The following NXN variants were observed in gnomAD, a reference collection of about 807,000 sequenced individuals.
NXN encodes nucleoredoxin, also known as nucleoredoxin 1.
Under a neutral mutation model 48.6 loss-of-function variants are expected in NXN, and 16 were observed. That is an observed-to-expected ratio of 0.33 (90% CI 0.22 to 0.50). The LOEUF (loss-of-function observed/expected upper bound fraction) is 0.50, where lower values mean the gene tolerates loss of function less well. Among genes scored for constraint, NXN ranks in the 20% least tolerant of loss-of-function variants. NXN has a pLI of 0.98. For missense variants in NXN, 492 were observed against 605.5 expected (o/e 0.81, Z 1.97); for synonymous variants, 281 against 269.6 (o/e 1.04, Z -0.41).
At chr17:835,307 CAAAA>C (rs368573865) in intron 1 of NXN, among the ~76,000 whole-genome samples, 2 of 91,284 alleles carry the variant, frequency 2.2e-5, no homozygotes. Context: ...GACTCTGTTT[CAAAA>C]AAAAAAAAAA....
Position 849,655 on chromosome 17 carries a change from C to T in NXN, c.361-23577G>A, listed in dbSNP as rs112248291. ...CACGTCCTTGTCCTCTGGCGGCCAG[C>T]TGCCTCATCCCTTTACCTCCGCAGA... On this transcript the variant is annotated intron_variant, in intron 1 of 7. Coordinates refer to ENST00000336868, the MANE Select transcript of NXN (RefSeq NM_022463.5). The surrounding 1 kb of genome is among the most constrained non-coding windows in gnomAD (Gnocchi z 4.2). 5.1e-3 allele frequency among the ~76,000 whole-genome samples: 782 copies of T among 152,342 alleles called. 5 individuals carry two copies. Among genetic ancestry groups the T allele is most frequent in the African/African-American group, 0.017 (707 of 41,578 alleles).
At chr17:937,381 A>C (rs796131026) in intron 1 of NXN, among the ~76,000 whole-genome samples, 21 of 152,262 alleles carry the variant, frequency 1.4e-4, no homozygotes, top group African/African-American at 4.8e-4. Context: ...ACAGGGACCC[A>C]CAAGGCTGCT....
intron 1 of NXN, among the ~76,000 whole-genome samples, chr17:883,606 C>G (rs571887626): frequency 6.6e-6 from 1 of 152,286 alleles, no homozygotes; most frequent in African/African-American, 2.4e-5. Flanking sequence ...GAAGCCAGGT[C>G]GATGCTGGAA....
chr17:839,099 T>C (rs1913991985), intron 1 of NXN, among the ~76,000 whole-genome samples: 1 of 152,188 alleles, frequency 6.6e-6, no homozygotes, highest in Non-Finnish European at 1.5e-5. Flanking sequence ...CTGTGAGAAC[T>C]GGATTAATGC....
At chr17:883,039 C>G (rs764389268) in intron 1 of NXN, among the ~76,000 whole-genome samples, 1 of 152,210 alleles carries the variant, frequency 6.6e-6, no homozygotes, top group Non-Finnish European at 1.5e-5. Context: ...CAGGCGTGAG[C>G]CCCCGTCTCC....
chr17:831,893 A>G (rs919723329), intron 1 of NXN, among the ~76,000 whole-genome samples: 1 of 112,098 alleles, frequency 8.9e-6, no homozygotes, highest in Non-Finnish European at 1.9e-5. Context: ...TGTCCAGTCT[A>G]AGATTAAACT....
intron 1 of NXN, among the ~76,000 whole-genome samples, chr17:852,273 ACAGCCTCAGCCT>A (rs1039038425): frequency 1.3e-5 from 2 of 152,068 alleles, no homozygotes; most frequent in Admixed American, 1.3e-4. Context: ...TGCCTCAGCC[ACAGCCTCAGCCT>A]CAGCCTCAGC....
At chr17:944,542 T>G (rs936462296) in intron 1 of NXN, among the ~76,000 whole-genome samples, 29 of 152,214 alleles carry the variant, frequency 1.9e-4, no homozygotes, top group African/African-American at 6.8e-4. Context: ...GTAAGGTAGA[T>G]TCTGTTTGTT....
chr17:958,713 G>C lies in NXN; in HGVS notation c.360+20606C>G, dbSNP rs1205447913. ...CGAGGCGGAGGTAGAAGTGAGCCCA[G>C]ATTGTGCCACTGAACTCCAGCACAG... On this transcript the variant is annotated intron_variant, in intron 1 of 7. Coordinates refer to ENST00000336868, the MANE Select transcript of NXN (RefSeq NM_022463.5). The surrounding 1 kb of genome is among the most constrained non-coding windows in gnomAD (Gnocchi z 6.9). Among the ~76,000 whole-genome samples, 1 of 152,110 alleles carries C rather than the reference G, an allele frequency of 6.6e-6. No homozygotes were observed. Among genetic ancestry groups the C allele is most frequent in the African/African-American group, 2.4e-5 (1 of 41,424 alleles).
At chr17:813,476 G>A (rs941295150) in intron 5 of NXN, among the ~76,000 whole-genome samples, 3 of 152,248 alleles carry the variant, frequency 2.0e-5, no homozygotes, top group South Asian at 4.1e-4. Context: ...GCCCAACCTC[G>A]AAGCGCTGAG....
At chr17:971,931 C>A (rs772072072) in intron 1 of NXN, among the ~76,000 whole-genome samples, 3 of 152,036 alleles carry the variant, frequency 2.0e-5, no homozygotes, top group Non-Finnish European at 4.4e-5. Flanking sequence ...CTTTGGAAGC[C>A]GAGGCGGGTG....
intron 7 of NXN, among the ~76,000 whole-genome samples, chr17:801,443 C>CTTTTTT (rs71371579): frequency 0.02 from 2,053 of 104,270 alleles, 184 homozygotes; most frequent in East Asian, 0.052. Flanking sequence ...ATGTCACATT[C>CTTTTTT]TTTTTTTTTT....
intron 1 of NXN, among the ~76,000 whole-genome samples, chr17:883,244 G>C (rs1273299668): frequency 6.6e-6 from 1 of 152,080 alleles, no homozygotes; most frequent in Non-Finnish European, 1.5e-5. Flanking sequence ...TGTCAATCAG[G>C]CCAGTAAGGG....
chr17:806,580 C>A (rs559162316), intron 5 of NXN, among the ~76,000 whole-genome samples: 1 of 152,242 alleles, frequency 6.6e-6, no homozygotes, highest in East Asian at 1.9e-4. Flanking sequence ...CCCCCACACC[C>A]TGCACGTTCC....
intron 1 of NXN, among the ~76,000 whole-genome samples, chr17:883,871 T>A (rs1252408518): frequency 1.3e-5 from 2 of 152,068 alleles, no homozygotes; most frequent in Non-Finnish European, 2.9e-5. Context: ...GTCAGGAGTT[T>A]AAGGCCAGCC....
chr17:959,651 A>G (rs4025781), intron 1 of NXN, among the ~76,000 whole-genome samples: 132,927 of 151,828 alleles, frequency 0.88, 60,487 homozygotes, highest in Non-Finnish European at 0.99. Flanking sequence ...AAAATTAGTT[A>G]GGTGTGGTGG....
In NXN at chr17:822,370, C is replaced by T. The variant is rs370296358; in HGVS notation, c.700G>A (p.Val234Ile). The T allele has an allele frequency of 3.0e-5, 49 of 1,613,632 alleles. No homozygotes were observed. Among genetic ancestry groups the T allele is most frequent in the African/African-American group, 4.0e-5 (3 of 74,896 alleles). Residue 234 changes from valine (V) to isoleucine (I), a missense_variant, in exon 4 of 8, where the codon GTT becomes ATT. By Grantham distance (29) the Val-to-Ile change is conservative (BLOSUM62 3). Around this residue, in one of 3 missense-constraint regions of NXN, gnomAD observed 303 missense variants for 388.3 expected, o/e 0.78. Transcript: ENST00000336868. ...EAGQNFEIIFVSADRSEESFK... is the reference protein window; with the variant it reads ...EAGQNFEIIFISADRSEESFK... ...GGCACGACTGACCTGTCTGCACTAA[C>T]GAAGATGATCTCGAAGTTCTGGCCT...
chr17:919,984 C>T lies in NXN; in HGVS notation c.360+59335G>A, dbSNP rs996245816. ...CACCCTTGGTGCCTTCATCACCCAT[C>T]CAGAGCAACTACCCACTTCCACGGC... is the stretch of plus-strand genomic sequence containing the variant. On this transcript the variant is annotated intron_variant, in intron 1 of 7. Transcript: ENST00000336868. This position sits in a 1 kb window ranked among gnomAD's most constrained non-coding sequence, Gnocchi z 5.1. 1.3e-5 allele frequency among the ~76,000 whole-genome samples: 2 copies of T among 152,174 alleles called. No individual in the cohort carries two copies. The highest frequency in any genetic ancestry group is 2.9e-5 in the Non-Finnish European group (2 of 68,030).
chr17:825,768 TCC>T lies in NXN; in HGVS notation c.478+191_478+192del. 3 of 561,022 alleles carry T rather than the reference TCC, an allele frequency of 5.3e-6. No individual in the cohort carries two copies. Among genetic ancestry groups the T allele is most frequent in the Non-Finnish European group, 9.5e-6 (3 of 314,350 alleles). 34.8% of individuals were successfully genotyped at this position (561,022 alleles called of 1,614,324 possible). On this transcript the variant is annotated intron_variant, in intron 2 of 7. Coordinates refer to ENST00000336868, the MANE Select transcript of NXN (RefSeq NM_022463.5). This position sits in a 1 kb window ranked among gnomAD's most constrained non-coding sequence, Gnocchi z 4.1. ...AAAGCCCCTAGGAGGGACATTCTGA[TCC>T]CTGTGAAAATCTTAAAACCATGTCC...
Sources: allele counts gnomAD v4.1 joint callset (sites outside exome capture counted in the v4.1 genomes callset), GRCh38; gene constraint gnomAD v4.1.1; regional missense constraint gnomAD v4.1.1; non-coding constraint Gnocchi (gnomAD v3.1); transcripts MANE v1.5; gene names NCBI Gene and HGNC (gene_info 2026-07-23, HGNC 2026-07-21).